Variants in RAB11FIP5 observed in about 807,000 individuals in gnomAD.
RAB11FIP5 encodes rab11 family-interacting protein 5.
Under a neutral mutation model 85.1 loss-of-function variants are expected in RAB11FIP5, and 48 were observed. The ratio of observed to expected loss-of-function variants is 0.56; its 90% CI spans 0.45 to 0.72. The LOEUF (loss-of-function observed/expected upper bound fraction) is 0.72, where lower values mean the gene tolerates loss of function less well. RAB11FIP5 is among the 30% of genes least tolerant of loss of function. RAB11FIP5 has a pLI of 0.00. For synonymous variants in RAB11FIP5, 729 were observed against 727.3 expected (o/e 1.00, Z -0.04); for missense variants, 1,491 against 1,687.0 (o/e 0.88, Z 2.04).
rs1026261424 is a variant in RAB11FIP5, at chr2:73,112,356, T to C, written c.422A>G (p.Gln141Arg). The C allele has an allele frequency of 1.3e-6, 2 of 1,585,046 alleles. No homozygotes were observed. The highest frequency in any genetic ancestry group is 2.7e-5 in the African/African-American group (2 of 73,230). ...CGCGCCCCCTACTCACTGCGTGTGC[T>C]GGGCGCGGCCTGCGCCGAAGACCTC... ...LDEVFGAGRAQHTQWYKLHSK... is the reference protein window; with the variant it reads ...LDEVFGAGRARHTQWYKLHSK... The change falls in exon 1 of 6, where the codon CAG becomes CGG. Residue 141 changes from glutamine (Q) to arginine (R), a missense_variant. Gln to Arg is a conservative substitution (Grantham distance 43). Coordinates refer to ENST00000486777, the MANE Select transcript of RAB11FIP5 (RefSeq NM_001371272.1).
chr2:73,095,305 G>A (rs892941095), intron 1 of RAB11FIP5, among the ~76,000 whole-genome samples: 3 of 152,222 alleles, frequency 2.0e-5, no homozygotes, highest in African/African-American at 7.2e-5. Context: ...CCTTGCACCT[G>A]AAGAGGCACA....
Position 73,081,114 on chromosome 2 carries a change from TCCTCC to T in RAB11FIP5, c.2113_2117del (p.Gly705ArgfsTer33). On this transcript the variant is annotated frameshift_variant, in exon 4 of 6. Transcript: ENST00000486777. LOFTEE classifies it high-confidence loss of function. This position sits in a 1 kb window ranked among gnomAD's most constrained non-coding sequence, Gnocchi z 4.2. Reference sequence around the variant, plus strand: ...CACCTCTTCCTCCTCCTCCTCCTCCTCCTCCTCCTCCTCCCCCAGGCTCTCCCTGG... The same window carrying T: ...CACCTCTTCCTCCTCCTCCTCCTCCTTCCTCCTCCCCCAGGCTCTCCCTGG... The T allele has an allele frequency of 8.1e-7, 1 of 1,234,056 alleles. No homozygotes were observed. Among genetic ancestry groups the T allele is most frequent in the Non-Finnish European group, 1.0e-6 (1 of 989,494 alleles). The allele number at this position is 1,234,056 out of a possible 1,614,324, so 76.4% of individuals were successfully genotyped here.
rs111735122 is a variant in RAB11FIP5, at chr2:73,095,534, C to A, written c.432-6219G>T. Among the ~76,000 whole-genome samples, 287 of 152,324 alleles carry A rather than the reference C, an allele frequency of 1.9e-3. 2 individuals are homozygous for A. Among genetic ancestry groups the A allele is most frequent in the African/African-American group, 5.3e-3 (222 of 41,576 alleles). On this transcript the variant is annotated intron_variant, in intron 1 of 5. Coordinates refer to ENST00000486777, the MANE Select transcript of RAB11FIP5 (RefSeq NM_001371272.1). ...GGGGCTAGAGAATGGCCAGAGCTGA[C>A]CCTGCTGAGGGCTCACTGTGTGCCT... is the stretch of plus-strand genomic sequence containing the variant.
At position 73,075,584 on chromosome 2, in the gene RAB11FIP5, C is replaced by A; in HGVS notation, c.3912G>T (p.Leu1304=). ...GTGAGGTCTCCATGATCCGCACCAGCAGCCGGTCGATGTAGCTCTCCAGCT... is the reference window on the plus strand; with the variant it reads ...GTGAGGTCTCCATGATCCGCACCAGAAGCCGGTCGATGTAGCTCTCCAGCT... ...VQELESYIDR[L]LVRIMETSPT... The change falls in exon 6 of 6, where the codon CTG becomes CTT. Residue 1304 remains leucine, a synonymous_variant. Transcript: ENST00000486777. This position sits in a 1 kb window ranked among gnomAD's most constrained non-coding sequence, Gnocchi z 4.6. 6.2e-7 allele frequency: 1 copy of A among 1,614,166 alleles called. No individual in the cohort carries two copies. The highest frequency in any genetic ancestry group is 8.5e-7 in the Non-Finnish European group (1 of 1,179,994).
rs1239914433 is a variant in RAB11FIP5, at chr2:73,081,349, G to C, written c.1883C>G (p.Pro628Arg). Reference protein sequence around the residue: ...LNSPSPAPSLPSASRASPTPL... With the variant: ...LNSPSPAPSLRSASRASPTPL... The stretch of plus-strand genomic sequence containing the variant: ...GGTGGGGCTGGCCCTCGAGGCACTG[G>C]GGAGAGAGGGAGCAGGTGAAGGAGA... The change falls in exon 4 of 6, where the codon CCC (proline) becomes CGC (arginine). Residue 628 changes from proline to arginine, a missense_variant. Coordinates refer to ENST00000486777, the MANE Select transcript of RAB11FIP5 (RefSeq NM_001371272.1). The surrounding 1 kb of genome is among the most constrained non-coding windows in gnomAD (Gnocchi z 4.2). 4.1e-6 allele frequency: 5 copies of C among 1,232,776 alleles called. No homozygotes were observed. The highest frequency in any genetic ancestry group is 4.0e-6 in the Non-Finnish European group (4 of 988,540). 76.4% of individuals were successfully genotyped at this position (1,232,776 alleles called of 1,614,324 possible).
intron 4 of RAB11FIP5, among the ~76,000 whole-genome samples, chr2:73,079,321 C>T (rs1683921661): frequency 6.6e-6 from 1 of 152,128 alleles, no homozygotes; most frequent in African/African-American, 2.4e-5. Context: ...TCCAGAAGGG[C>T]CTACAGCACT....
chr2:73,082,124 C>A (rs1388590369), intron 3 of RAB11FIP5, among the ~76,000 whole-genome samples: 1 of 151,528 alleles, frequency 6.6e-6, no homozygotes, highest in African/African-American at 2.4e-5. Context: ...CAACTTCTGC[C>A]TCCCAGGCTC....
chr2:73,110,539 G>A (rs1379449499), intron 1 of RAB11FIP5, among the ~76,000 whole-genome samples: 1 of 152,070 alleles, frequency 6.6e-6, no homozygotes, highest in Non-Finnish European at 1.5e-5. Context: ...CCAGGTGGGT[G>A]TGGAAAGATC....
At chr2:73,105,072 C>T (rs1029717857) in intron 1 of RAB11FIP5, among the ~76,000 whole-genome samples, 10 of 152,096 alleles carry the variant, frequency 6.6e-5, no homozygotes, top group African/African-American at 2.4e-4. Context: ...AACAGGATGG[C>T]TTGGAGTGTT....
chr2:73,093,712 A>C (rs891433), intron 1 of RAB11FIP5, among the ~76,000 whole-genome samples: 47,946 of 152,134 alleles, frequency 0.32, 8,958 homozygotes, highest in East Asian at 0.56. Flanking sequence ...TGGCAAAACC[A>C]GCTTATCCTC....
rs1342853242 is a variant in RAB11FIP5 at position 73,074,010 on chromosome 2, A to G, written c.*1511T>C. 1 of 151,968 alleles carries G rather than the reference A, an allele frequency of 6.6e-6. No individual in the cohort carries two copies. The highest frequency in any genetic ancestry group is 1.5e-5 in the Non-Finnish European group (1 of 67,974). The allele number at this position is 151,968 out of a possible 1,614,324, so 9.4% of individuals were successfully genotyped here. A position where few individuals can be genotyped will look rare whatever the true frequency, so the allele number is the denominator to read the frequency against. ...CTTCTTCAGCACCTCATCACCCCCC[A>G]TTTTTGCTAATTCAGGGTGCCCCAA... On this transcript the variant is annotated 3_prime_UTR_variant, in exon 6 of 6. Transcript: ENST00000486777.
At chr2:73,091,952 G>A (rs751100832) in intron 1 of RAB11FIP5, among the ~76,000 whole-genome samples, 47 of 150,898 alleles carry the variant, frequency 3.1e-4, no homozygotes, top group Non-Finnish European at 4.9e-4. Flanking sequence ...CTCTCATAAG[G>A]CACGGGCAGA....
rs769778525 is a variant in RAB11FIP5 at position 73,080,952 on chromosome 2, T to G, written c.2280A>C (p.Arg760Ser). The change falls in exon 4 of 6, where the codon AGA becomes AGC. Residue 760 changes from arginine (R) to serine (S), a missense_variant. Transcript: ENST00000486777. ...LPSSSAQLQLRASGSEPDREL... is the reference protein window; with the variant it reads ...LPSSSAQLQLSASGSEPDREL... ...CCCTGTCTGGTTCTGAGCCTGAGGCTCTCAGCTGTAGCTGGGCTGACGAGG... is the reference window on the plus strand; with the variant it reads ...CCCTGTCTGGTTCTGAGCCTGAGGCGCTCAGCTGTAGCTGGGCTGACGAGG... The G allele has an allele frequency of 8.1e-7, 1 of 1,232,366 alleles. No homozygotes were observed. The highest frequency in any genetic ancestry group is 1.0e-6 in the Non-Finnish European group (1 of 988,148). The allele number at this position is 1,232,366 out of a possible 1,614,324, so 76.3% of individuals were successfully genotyped here. A position where few individuals can be genotyped will look rare whatever the true frequency, so the allele number is the denominator to read the frequency against.
intron 3 of RAB11FIP5, among the ~76,000 whole-genome samples, chr2:73,085,502 T>A (rs1684076370): frequency 6.6e-6 from 1 of 152,110 alleles, no homozygotes; most frequent in African/African-American, 2.4e-5. Context: ...ACACGTGAAG[T>A]AGCCTGTGCT....
intron 1 of RAB11FIP5, among the ~76,000 whole-genome samples, chr2:73,107,786 A>G (rs141354404): frequency 1.5e-4 from 23 of 152,292 alleles, no homozygotes; most frequent in Middle Eastern, 3.4e-3. Context: ...CCTCCCCAGC[A>G]GTGCCACAGG....
chr2:73,079,008 C>T (rs893139892), intron 4 of RAB11FIP5, among the ~76,000 whole-genome samples: 7 of 152,226 alleles, frequency 4.6e-5, no homozygotes, highest in African/African-American at 7.2e-5. Flanking sequence ...AGGCACCAAA[C>T]GCAAACCAAT....
rs1012757172 is a variant in RAB11FIP5 at position 73,104,569 on chromosome 2, AAAAACAAAAC to A, written c.431+7768_431+7777del. 5.3e-5 allele frequency among the ~76,000 whole-genome samples: 8 copies of A among 152,324 alleles called. No homozygotes were observed. In the South Asian group the frequency reaches 1.0e-3, roughly 20 times the overall value. The stretch of plus-strand genomic sequence containing the variant: ...GGCAACACAGCAAGACTCTGTCTCA[AAAAACAAAAC>A]AAAACAAAACAAAACTAAATAGGAA... On this transcript the variant is annotated intron_variant, in intron 1 of 5. Transcript: ENST00000486777.
chr2:73,099,910 T>G (rs1684396274), intron 1 of RAB11FIP5, among the ~76,000 whole-genome samples: 1 of 152,160 alleles, frequency 6.6e-6, no homozygotes. Flanking sequence ...ACTACCACCC[T>G]GGGGACAAGG....
rs762741168 is a variant in RAB11FIP5 at position 73,075,207 on chromosome 2, A to G, written c.*314T>C. 4.9e-5 allele frequency: 32 copies of G among 646,678 alleles called. No homozygotes were observed. The highest frequency in any genetic ancestry group is 7.7e-5 in the Non-Finnish European group (27 of 349,366). 40.1% of individuals were successfully genotyped at this position (646,678 alleles called of 1,614,324 possible). ...TTGTCCCAGATTACTGCATCAAGCT[A>G]CAGTTCACCCCTGCTCTGTCTTGGG... is the stretch of plus-strand genomic sequence containing the variant. On this transcript the variant is annotated 3_prime_UTR_variant, in exon 6 of 6. Coordinates refer to ENST00000486777, the MANE Select transcript of RAB11FIP5 (RefSeq NM_001371272.1). This position sits in a 1 kb window ranked among gnomAD's most constrained non-coding sequence, Gnocchi z 4.6.
Sources: allele counts gnomAD v4.1 joint callset (sites outside exome capture counted in the v4.1 genomes callset), GRCh38; gene constraint gnomAD v4.1.1; non-coding constraint Gnocchi (gnomAD v3.1); transcripts MANE v1.5; gene names NCBI Gene and HGNC (gene_info 2026-07-23, HGNC 2026-07-21).